The following SOS1 variants were observed in gnomAD, a reference collection of about 807,000 sequenced individuals.
The protein encoded by SOS1 is son of sevenless homolog 1.
Under a neutral mutation model 157.6 loss-of-function variants are expected in SOS1, and 25 were observed. That is an observed-to-expected ratio of 0.16 (90% confidence interval 0.12 to 0.22). SOS1 has a LOEUF of 0.22. SOS1 is among the 10% of genes least tolerant of loss of function. The probability of loss-of-function intolerance (pLI) is 1.00; values close to 1 mark genes in which losing one functional copy is unlikely to be tolerated. For missense variants in SOS1, 1,237 were observed against 1,599.1 expected (o/e 0.77, Z 3.86); for synonymous variants, 528 against 534.0 (o/e 0.99, Z 0.16).
chr2:38,981,790 C>T lies in SOS1; in HGVS notation c.*4034G>A, dbSNP rs1047437678. Reference sequence around the variant, plus strand: ...TTTGACAATTATTTTAGCAAATAACCGTGCTACTAAACAAAGGCAAATACA... The same window carrying T: ...TTTGACAATTATTTTAGCAAATAACTGTGCTACTAAACAAAGGCAAATACA... On this transcript the variant is annotated 3_prime_UTR_variant, in exon 23 of 23. Coordinates refer to ENST00000402219, the MANE Select transcript of SOS1 (RefSeq NM_005633.4). The T allele has an allele frequency of 4.6e-5, 7 of 152,058 alleles. No individual in the cohort carries two copies. The East Asian group carries it at 5.8e-4, about 13-fold the overall frequency. The allele number at this position is 152,058 out of a possible 1,614,324, so 9.4% of individuals were successfully genotyped here.
At chr2:39,018,728 AC>A (rs1669706277) in intron 10 of SOS1, among the ~76,000 whole-genome samples, 1 of 151,660 alleles carries the variant, frequency 6.6e-6, no homozygotes, top group Non-Finnish European at 1.5e-5. Flanking sequence ...TGTAAAGACC[AC>A]CCCACCCCCA....
At position 39,107,676 on chromosome 2, in the gene SOS1, A is replaced by C. The variant is rs537582850; in HGVS notation, c.87+12660T>G. ...TCACACTAAAAAGAAAAAAAAAAAA[A>C]AAAAACCTAGCCATTTTACATTAAC... On this transcript the variant is annotated intron_variant, in intron 1 of 22. Transcript: ENST00000402219. Among the ~76,000 whole-genome samples, 210 of 152,144 alleles carry C rather than the reference A, an allele frequency of 1.4e-3. 1 individual carries two copies. The highest frequency in any genetic ancestry group is 4.6e-3 in the African/African-American group (192 of 41,486).
intron 4 of SOS1, 67 bp downstream of exon 4, chr2:39,056,635 G>GTA (rs1449829269): frequency 4.2e-6 from 4 of 961,974 alleles, no homozygotes; most frequent in Non-Finnish European, 6.8e-6. Flanking sequence ...TATATGAATA[G>GTA]TACGTTAGCA....
At chr2:39,071,696 A>G (rs1451335389) in intron 1 of SOS1, among the ~76,000 whole-genome samples, 1 of 152,176 alleles carries the variant, frequency 6.6e-6, no homozygotes, top group Non-Finnish European at 1.5e-5. Flanking sequence ...AGTATGATTA[A>G]GTTTTTTTTG....
rs190193888 is a variant in SOS1 at position 38,998,688 on chromosome 2, G to A, written c.2792-1263C>T. On this transcript the variant is annotated intron_variant, in intron 17 of 22. Transcript: ENST00000402219. ...GTATGAGCTTAGAATAGAGCCTGAC[G>A]AACGTTAAGTATTAATTAGCCGTGG... Among the ~76,000 whole-genome samples the A allele has an allele frequency of 1.2e-3, 179 of 152,288 alleles. 1 individual carries two copies. Among genetic ancestry groups the A allele is most frequent in the Non-Finnish European group, 2.2e-3 (147 of 68,016 alleles).
chr2:39,076,091 T>A (rs1345849140), intron 1 of SOS1, among the ~76,000 whole-genome samples: 1 of 152,024 alleles, frequency 6.6e-6, no homozygotes, highest in Non-Finnish European at 1.5e-5. Context: ...TTCATGGACA[T>A]AGATGAAAAA....
intron 8 of SOS1, among the ~76,000 whole-genome samples, chr2:39,033,398 T>C (rs1416920823): frequency 6.6e-6 from 1 of 152,184 alleles, no homozygotes; most frequent in Non-Finnish European, 1.5e-5. Flanking sequence ...ATTCTATTAA[T>C]GTAAGTTATA....
Position 38,981,675 on chromosome 2 carries a change from T to C in SOS1, c.*4149A>G, listed in dbSNP as rs769769572. On this transcript the variant is annotated 3_prime_UTR_variant, in exon 23 of 23. Transcript: ENST00000402219. Reference sequence around the variant, plus strand: ...ACTGCTGCACACAGAGTACAAAGATTACCTATGAACATGGTTAGGTACAAA... The same window carrying C: ...ACTGCTGCACACAGAGTACAAAGATCACCTATGAACATGGTTAGGTACAAA... The C allele has an allele frequency of 1.3e-5, 2 of 152,174 alleles. No individual in the cohort carries two copies. The highest frequency in any genetic ancestry group is 2.9e-5 in the Non-Finnish European group (2 of 68,020). The allele number at this position is 152,174 out of a possible 1,614,324, so 9.4% of individuals were successfully genotyped here.
intron 2 of SOS1, among the ~76,000 whole-genome samples, chr2:39,059,499 C>G (rs1166783846): frequency 6.6e-6 from 1 of 152,084 alleles, no homozygotes; most frequent in Non-Finnish European, 1.5e-5. Context: ...CGCTTTCATC[C>G]TCTCAAAACT....
At chr2:39,026,097 C>G (rs1248988042) in intron 8 of SOS1, among the ~76,000 whole-genome samples, 3 of 152,088 alleles carry the variant, frequency 2.0e-5, no homozygotes, top group Non-Finnish European at 4.4e-5. Flanking sequence ...TGGTTCATGC[C>G]TGTAATCCCA....
rs372724609 is a variant in SOS1 at position 39,074,737 on chromosome 2, C to T, written c.88-6984G>A. ...ACAAAATTAGCCGGGTATGGTGGCA[C>T]GTGCCTGTAATCCCAGCTACTTGGG... On this transcript the variant is annotated intron_variant, in intron 1 of 22. Transcript: ENST00000402219. Among the ~76,000 whole-genome samples, 73 of 151,934 alleles carry T rather than the reference C, an allele frequency of 4.8e-4. 1 individual carries two copies. The South Asian group carries it at 0.014, about 28-fold the overall frequency.
chr2:39,033,164 A>AG (rs1405063320), intron 8 of SOS1, among the ~76,000 whole-genome samples: 12 of 139,198 alleles, frequency 8.6e-5, no homozygotes, highest in African/African-American at 2.7e-4. Flanking sequence ...TTCGCCTCCC[A>AG]GGTTCAGGTG....
chr2:39,091,292 G>C (rs1385408158), intron 1 of SOS1, among the ~76,000 whole-genome samples: 1 of 152,180 alleles, frequency 6.6e-6, no homozygotes, highest in Non-Finnish European at 1.5e-5. Flanking sequence ...CTTGAGGGTA[G>C]TGAGCATGTC....
rs368708238 is a variant in SOS1 at position 38,986,242 on chromosome 2, C to A, written c.3584G>T (p.Arg1195Leu). The change falls in exon 23 of 23, where the codon CGA becomes CTA. Residue 1195 changes from arginine (R) to leucine (L), a missense_variant. By Grantham distance (102) the Arg-to-Leu change is moderately radical. Transcript: ENST00000402219. The stretch of plus-strand genomic sequence containing the variant: ...AGAGGTCCGGTCTGATATTGAATAT[C>A]GTGGTGAATAGGCTTTTGATGTGGG... The part of the protein sequence containing the change: ...RQPTSKAYSP[R>L]YSISDRTSIS... The A allele has an allele frequency of 3.1e-6, 5 of 1,613,668 alleles. No individual in the cohort carries two copies. Among genetic ancestry groups the A allele is most frequent in the Non-Finnish European group, 4.2e-6 (5 of 1,179,842 alleles).
At chr2:39,097,513 T>C (rs1007840674) in intron 1 of SOS1, among the ~76,000 whole-genome samples, 3 of 151,994 alleles carry the variant, frequency 2.0e-5, no homozygotes, top group Non-Finnish European at 2.9e-5. Context: ...TGATGCTTGA[T>C]AAAGTTTGGC....
At chr2:39,103,562 A>G (rs1673053044) in intron 1 of SOS1, among the ~76,000 whole-genome samples, 1 of 152,220 alleles carries the variant, frequency 6.6e-6, no homozygotes, top group Non-Finnish European at 1.5e-5. Flanking sequence ...TGCTCAACAA[A>G]TGGTGCTGGG....
intron 1 of SOS1, among the ~76,000 whole-genome samples, chr2:39,115,190 A>G (rs1014657116): frequency 3.3e-5 from 5 of 152,192 alleles, no homozygotes; most frequent in African/African-American, 1.2e-4. Context: ...ATTTCAGGAT[A>G]TGTACACACC....
chr2:39,036,962 C>T (rs954828030), intron 6 of SOS1, among the ~76,000 whole-genome samples: 6 of 152,154 alleles, frequency 3.9e-5, no homozygotes, highest in East Asian at 1.9e-4. Flanking sequence ...TGAGCCACTG[C>T]GCCTGGCCTC....
intron 1 of SOS1, among the ~76,000 whole-genome samples, chr2:39,070,429 T>C (rs1671757021): frequency 6.6e-6 from 1 of 152,092 alleles, no homozygotes; most frequent in South Asian, 2.1e-4. Flanking sequence ...CCTTGTAGAG[T>C]TCCATATCTT....
Sources: allele counts gnomAD v4.1 joint callset (sites outside exome capture counted in the v4.1 genomes callset), GRCh38; gene constraint gnomAD v4.1.1; transcripts MANE v1.5; gene names NCBI Gene and HGNC (gene_info 2026-07-23, HGNC 2026-07-21).